Variants in NRG2 observed in about 807,000 individuals in gnomAD.
NRG2 encodes pro-neuregulin-2, membrane-bound isoform.
A neutral mutation model predicts 73.9 loss-of-function variants in NRG2; 27 were observed. The observed-to-expected ratio is 0.37, with a 90% CI of 0.27 to 0.50. The LOEUF is 0.50. Among genes scored for constraint, NRG2 ranks in the 20% least tolerant of loss-of-function variants. NRG2 has a pLI of 0.96. For synonymous variants in NRG2, 532 were observed against 541.0 expected, an observed-to-expected ratio of 0.98 and a Z score of 0.23; for missense variants, 1,126 against 1,210.1, an observed-to-expected ratio of 0.93 and a Z score of 1.03.
intron 1 of NRG2, among the ~76,000 whole-genome samples, chr5:140,019,124 G>T (rs2126662810): frequency 6.6e-6 from 1 of 152,284 alleles, no homozygotes; most frequent in South Asian, 2.1e-4. Context: ...GGGGAGAGGT[G>T]CTGCCAGTGC....
chr5:139,880,857 G>T lies in NRG2; in HGVS notation c.990C>A (p.Ser330Arg). 1 of 1,613,112 alleles carries T rather than the reference G, an allele frequency of 6.2e-7. No homozygotes were observed. The highest frequency in any genetic ancestry group is 1.7e-5 in the Admixed American group (1 of 59,976). ...TTCCCTCTGTCTGGGCCCACCTACC[G>T]CTGTTGACGTAAAGCCGGCCCCGGA... ...DTVRGRLYVN[S>R]VSTTLSSWSG... Residue 330 changes from serine to arginine, a missense_variant and splice_region_variant, in exon 3 of 10, where the codon AGC becomes AGA. Transcript: ENST00000361474.
chr5:139,881,783 G>A lies in NRG2; in HGVS notation c.873-809C>T, dbSNP rs536586723. ...TGGGCTATCTCTGAGAAAAGCTGGGGCTAGCCCTGAAGCTTTGCACCTAGT... is the reference window on the plus strand; with the variant it reads ...TGGGCTATCTCTGAGAAAAGCTGGGACTAGCCCTGAAGCTTTGCACCTAGT... On this transcript the variant is annotated intron_variant, in intron 2 of 9. Transcript: ENST00000361474. Among the ~76,000 whole-genome samples the A allele has an allele frequency of 8.5e-5, 13 of 152,318 alleles. No individual in the cohort carries two copies. In the South Asian group the frequency reaches 2.1e-3, roughly 24 times the overall value.
Position 139,904,502 on chromosome 5 carries a change from G to A in NRG2, c.701-16991C>T. 3 of 604,828 alleles carry A rather than the reference G, an allele frequency of 5.0e-6. No individual in the cohort carries two copies. Among genetic ancestry groups the A allele is most frequent in the Non-Finnish European group, 8.4e-6 (3 of 356,676 alleles). The allele number at this position is 604,828 out of a possible 1,614,324, so 37.5% of individuals were successfully genotyped here. A position where few individuals can be genotyped will look rare whatever the true frequency, so the allele number is the denominator to read the frequency against. ...CCCGAGCGCGGCGCCTTTCTTATAG[G>A]CGGTCACACCCTCCGGGGGAGGGGA... On this transcript the variant is annotated intron_variant, in intron 1 of 9. Coordinates refer to ENST00000361474, the MANE Select transcript of NRG2 (RefSeq NM_004883.3). This position sits in a 1 kb window ranked among gnomAD's most constrained non-coding sequence, Gnocchi z 6.0.
At chr5:139,875,986 G>A (rs1478725450) in intron 3 of NRG2, among the ~76,000 whole-genome samples, 1 of 152,170 alleles carries the variant, frequency 6.6e-6, no homozygotes, top group African/African-American at 2.4e-5. Context: ...CCACTCCTAG[G>A]TGTATCCCCA....
intron 1 of NRG2, among the ~76,000 whole-genome samples, chr5:139,890,436 T>C (rs1207347282): frequency 6.6e-6 from 1 of 151,554 alleles, no homozygotes; most frequent in Non-Finnish European, 1.5e-5. Context: ...GTTCTTCTTC[T>C]TCGTCTTTTT....
intron 1 of NRG2, among the ~76,000 whole-genome samples, chr5:139,949,635 TA>T (rs1334048237): frequency 6.6e-6 from 1 of 152,262 alleles, no homozygotes; most frequent in African/African-American, 2.4e-5. Flanking sequence ...ACTTATATTT[TA>T]CTTAAGAAGA....
intron 1 of NRG2, among the ~76,000 whole-genome samples, chr5:139,921,820 G>C (rs1203268843): frequency 1.3e-5 from 2 of 152,152 alleles, no homozygotes; most frequent in African/African-American, 4.8e-5. Flanking sequence ...CCAGCACTTT[G>C]ACAGGTCAAG....
chr5:139,982,089 T>C (rs527688760), intron 1 of NRG2, among the ~76,000 whole-genome samples: 43 of 152,138 alleles, frequency 2.8e-4, no homozygotes, highest in Non-Finnish European at 5.0e-4. Context: ...CAGAAAGAAA[T>C]TAATTTGGTG....
intron 1 of NRG2, among the ~76,000 whole-genome samples, chr5:139,928,471 C>G (rs1484437553): frequency 1.3e-5 from 2 of 152,204 alleles, no homozygotes; most frequent in Non-Finnish European, 2.9e-5. Context: ...TTGTCCTTGT[C>G]TCATTCTTCC....
intron 5 of NRG2, among the ~76,000 whole-genome samples, chr5:139,864,755 G>A (rs570470627): frequency 2.9e-5 from 4 of 137,210 alleles, no homozygotes; most frequent in African/African-American, 6.5e-5. Flanking sequence ...CAAACACGTC[G>A]GCACACACAC....
At chr5:140,010,987 A>G (rs1759318413) in intron 1 of NRG2, among the ~76,000 whole-genome samples, 2 of 152,206 alleles carry the variant, frequency 1.3e-5, no homozygotes, top group African/African-American at 4.8e-5. Flanking sequence ...GATTCCAGCT[A>G]TAGAGGGTTC....
chr5:139,888,078 T>C (rs937691353), intron 1 of NRG2, among the ~76,000 whole-genome samples: 2 of 151,796 alleles, frequency 1.3e-5, no homozygotes, highest in African/African-American at 4.8e-5. Context: ...CTTCACTTCC[T>C]TGCTCCTCTC....
At chr5:140,003,356 A>G (rs745874968) in intron 1 of NRG2, among the ~76,000 whole-genome samples, 8 of 152,228 alleles carry the variant, frequency 5.3e-5, no homozygotes, top group Non-Finnish European at 1.2e-4. Flanking sequence ...AGGAAATTGC[A>G]GATGTGATTA....
chr5:139,962,298 T>C (rs893049945), intron 1 of NRG2, among the ~76,000 whole-genome samples: 2 of 151,922 alleles, frequency 1.3e-5, no homozygotes, highest in Admixed American at 6.6e-5. Context: ...GGAGGCTGTG[T>C]TGGAGACAAA....
chr5:139,855,553 G>A, intron 6 of NRG2, 123 bp downstream of exon 6: 1 of 809,966 alleles, frequency 1.2e-6, no homozygotes, highest in Non-Finnish European at 2.1e-6. Context: ...CCGAGGGGTA[G>A]TTGGGGCCTA....
At position 139,863,661 on chromosome 5, in the gene NRG2, G is replaced by A. The variant is rs80290662; in HGVS notation, c.1189+1888C>T. 3.3e-4 allele frequency among the ~76,000 whole-genome samples: 50 copies of A among 152,208 alleles called. No individual in the cohort carries two copies. In the East Asian group the frequency reaches 8.9e-3, roughly 27 times the overall value. ...TCTCTTGCCCCTGGCCCCCAGCTCT[G>A]CCTAGGCTCTGCCTTCTCTTGAGGT... On this transcript the variant is annotated intron_variant, in intron 5 of 9. Coordinates refer to ENST00000361474, the MANE Select transcript of NRG2 (RefSeq NM_004883.3).
chr5:139,924,729 G>A (rs553905806), intron 1 of NRG2, among the ~76,000 whole-genome samples: 1 of 152,232 alleles, frequency 6.6e-6, no homozygotes, highest in African/African-American at 2.4e-5. Flanking sequence ...CCTCTAGAAA[G>A]AATCTTTCTG....
chr5:139,980,683 A>G (rs888834306), intron 1 of NRG2, among the ~76,000 whole-genome samples: 22 of 152,222 alleles, frequency 1.4e-4, no homozygotes, highest in African/African-American at 5.3e-4. Context: ...GTCTGTTCAG[A>G]CAGAATGGGC....
chr5:139,875,117 T>C (rs886730830), intron 3 of NRG2, among the ~76,000 whole-genome samples: 2 of 152,206 alleles, frequency 1.3e-5, no homozygotes, highest in Non-Finnish European at 2.9e-5. Context: ...GTTCAAGCAA[T>C]TCTCCTGCCT....
Sources: gnomAD v4.1 joint callset for allele counts (sites outside exome capture counted in the v4.1 genomes callset) on GRCh38, gnomAD v4.1.1 for gene constraint, Gnocchi (gnomAD v3.1) non-coding constraint, MANE v1.5 for transcripts, NCBI Gene and HGNC (gene_info 2026-07-23, HGNC 2026-07-21) for gene names.